The following GABRB2 variants were observed in gnomAD, a reference collection of about 807,000 sequenced individuals.
GABRB2 encodes gamma-aminobutyric acid receptor subunit beta-2.
In GABRB2, 16 loss-of-function variants were observed where a neutral mutation model predicts 54.7. The ratio of observed to expected loss-of-function variants is 0.29; its 90% CI spans 0.20 to 0.44. GABRB2 has a LOEUF of 0.44. GABRB2 is among the 20% of genes least tolerant of loss of function. The pLI is 1.00. For synonymous variants in GABRB2, 244 were observed against 233.8 expected, an observed-to-expected ratio of 1.04 and a Z score of -0.40; for missense variants, 355 against 644.0, an observed-to-expected ratio of 0.55 and a Z score of 4.86.
At chr5:161,356,156 T>C (rs1182023925) in intron 5 of GABRB2, among the ~76,000 whole-genome samples, 1 of 152,162 alleles carries the variant, frequency 6.6e-6, no homozygotes, top group East Asian at 1.9e-4. Context: ...GTTTTGTGAC[T>C]TTTTCAGATG....
chr5:161,377,453 C>A (rs932157847), intron 5 of GABRB2, among the ~76,000 whole-genome samples: 1 of 151,988 alleles, frequency 6.6e-6, no homozygotes, highest in Non-Finnish European at 1.5e-5. Context: ...AGAGATTAAA[C>A]CTGTATTACT....
At chr5:161,424,489 A>G (rs1430368541) in intron 4 of GABRB2, among the ~76,000 whole-genome samples, 1 of 152,126 alleles carries the variant, frequency 6.6e-6, no homozygotes, top group African/African-American at 2.4e-5. Context: ...TGCTCTGTAA[A>G]TGGAAAGACA....
At chr5:161,502,611 G>A (rs916534398) in intron 3 of GABRB2, among the ~76,000 whole-genome samples, 1 of 152,148 alleles carries the variant, frequency 6.6e-6, no homozygotes, top group Non-Finnish European at 1.5e-5. Flanking sequence ...ACAGCCCAGG[G>A]CTGTGATCTT....
Position 161,429,355 on chromosome 5 carries a change from A to AAAAAAAAAAAAG in GABRB2, c.459-18299_459-18298insCTTTTTTTTTTT, listed in dbSNP as rs1371716248. Among the ~76,000 whole-genome samples, 4 of 148,464 alleles carry AAAAAAAAAAAAG rather than the reference A, an allele frequency of 2.7e-5. No homozygotes were observed. The East Asian group carries it at 7.8e-4, about 29-fold the overall frequency. Reference sequence around the variant, plus strand: ...AGCAAGAATCCGTCTCAAAAAAAAAAAAAGAAAAAGAAAAAAAAAGAAATC... The same window carrying AAAAAAAAAAAAG: ...AGCAAGAATCCGTCTCAAAAAAAAAAAAAAAAAAAAAGAAAGAAAAAGAAAAAAAAAGAAATC... On this transcript the variant is annotated intron_variant, in intron 4 of 9. Transcript: ENST00000393959.
chr5:161,447,688 G>C lies in GABRB2; in HGVS notation c.458+11936C>G, dbSNP rs1757675187. Among the ~76,000 whole-genome samples, 3 of 152,246 alleles carry C rather than the reference G, an allele frequency of 2.0e-5. No individual in the cohort carries two copies. The South Asian group carries it at 6.2e-4, about 32-fold the overall frequency. ...GCTTTATATGTGATCTCCAAAATAA[G>C]GAGACAGGAATGAGGTAGAAATCTT... On this transcript the variant is annotated intron_variant, in intron 4 of 9. Coordinates refer to ENST00000393959, the MANE Select transcript of GABRB2 (RefSeq NM_001371727.1).
chr5:161,326,374 C>T lies in GABRB2; in HGVS notation c.1185G>A (p.Leu395=), dbSNP rs771655720. 6 of 1,613,342 alleles carry T rather than the reference C, an allele frequency of 3.7e-6. No homozygotes were observed. The highest frequency in any genetic ancestry group is 1.1e-5 in the South Asian group (1 of 91,032). The change falls in exon 9 of 10, where the codon CTG becomes CTA. Residue 395 remains leucine (L), a synonymous_variant. Transcript: ENST00000393959. ...TAAAAACTGGCTATCTAACCGTATACAGAGAGAAATCGTAATTGGTAGTCC... is the reference window on the plus strand; with the variant it reads ...TAAAAACTGGCTATCTAACCGTATATAGAGAGAAATCGTAATTGGTAGTCC... ...TRRTTNYDFS[L]YTMDPHENIL... is the part of the protein sequence containing the mutation.
chr5:161,471,352 C>T (rs993563331), intron 3 of GABRB2, among the ~76,000 whole-genome samples: 1 of 151,980 alleles, frequency 6.6e-6, no homozygotes, highest in Admixed American at 6.6e-5. Context: ...TCATTCTCAA[C>T]CTCCTAAACT....
intron 3 of GABRB2, among the ~76,000 whole-genome samples, chr5:161,536,166 G>A (rs1009918301): frequency 6.6e-6 from 1 of 152,110 alleles, no homozygotes; most frequent in Non-Finnish European, 1.5e-5. Flanking sequence ...AACACTAAAT[G>A]GACTAAGACA....
intron 3 of GABRB2, among the ~76,000 whole-genome samples, chr5:161,543,105 T>G (rs1760869819): frequency 6.6e-6 from 1 of 152,256 alleles, no homozygotes; most frequent in Non-Finnish European, 1.5e-5. Flanking sequence ...GGCTTGGAAT[T>G]TTCAACACTT....
At chr5:161,391,251 C>G (rs889185936) in intron 5 of GABRB2, among the ~76,000 whole-genome samples, 4 of 152,288 alleles carry the variant, frequency 2.6e-5, no homozygotes, top group African/African-American at 7.2e-5. Context: ...ATACTCTACA[C>G]TTTGGCATTT....
intron 4 of GABRB2, among the ~76,000 whole-genome samples, chr5:161,416,694 CTCAAAA>C (rs1259138529): frequency 1.5e-4 from 2 of 13,142 alleles, no homozygotes; most frequent in African/African-American, 3.3e-4. Context: ...CAGACTCCGT[CTCAAAA>C]AAAAAAAAAA....
intron 5 of GABRB2, among the ~76,000 whole-genome samples, chr5:161,346,645 C>A (rs1316330802): frequency 6.6e-6 from 1 of 152,006 alleles, no homozygotes; most frequent in Admixed American, 6.6e-5. Context: ...GCAGGATGCT[C>A]CTGAAGATAA....
At chr5:161,500,466 C>A (rs547327193) in intron 3 of GABRB2, among the ~76,000 whole-genome samples, 1 of 152,122 alleles carries the variant, frequency 6.6e-6, no homozygotes, top group East Asian at 1.9e-4. Context: ...ATATTAAGTG[C>A]CTATTATTTT....
intron 5 of GABRB2, among the ~76,000 whole-genome samples, chr5:161,385,945 CT>C (rs372100746): frequency 0.51 from 70,498 of 138,232 alleles, 17,579 homozygotes; most frequent in Admixed American, 0.61. Context: ...TACCTATTGT[CT>C]GGTGTGTGTG....
At chr5:161,364,556 G>C (rs923767919) in intron 5 of GABRB2, among the ~76,000 whole-genome samples, 1 of 152,046 alleles carries the variant, frequency 6.6e-6, no homozygotes, top group Non-Finnish European at 1.5e-5. Context: ...GGATTTAAAG[G>C]GATCTTAAAA....
At chr5:161,355,594 G>A (rs193094688) in intron 5 of GABRB2, among the ~76,000 whole-genome samples, 73 of 151,868 alleles carry the variant, frequency 4.8e-4, no homozygotes, top group Non-Finnish European at 9.4e-4. Context: ...AAACTCTACT[G>A]ATTAACATTT....
At chr5:161,533,971 G>A (rs1006383930) in intron 3 of GABRB2, among the ~76,000 whole-genome samples, 14 of 152,254 alleles carry the variant, frequency 9.2e-5, no homozygotes, top group African/African-American at 3.1e-4. Context: ...TGAAGTGATA[G>A]GGATATAGAT....
At position 161,545,224 on chromosome 5, in the gene GABRB2, C is replaced by G; in HGVS notation, c.237+3G>C. The G allele has an allele frequency of 6.3e-7, 1 of 1,597,340 alleles. No individual in the cohort carries two copies. Among genetic ancestry groups the G allele is most frequent in the Non-Finnish European group, 8.5e-7 (1 of 1,170,570 alleles). ...AGAAGTAGTCATAAATGTCAATACTCACCATATTGACTTCAGAAACCATAT... is the reference window on the plus strand; with the variant it reads ...AGAAGTAGTCATAAATGTCAATACTGACCATATTGACTTCAGAAACCATAT... On this transcript the variant is annotated splice_donor_region_variant and intron_variant, in intron 3 of 9. Coordinates refer to ENST00000393959, the MANE Select transcript of GABRB2 (RefSeq NM_001371727.1).
intron 5 of GABRB2, among the ~76,000 whole-genome samples, chr5:161,381,406 T>C (rs1349693180): frequency 6.6e-6 from 1 of 152,166 alleles, no homozygotes; most frequent in Non-Finnish European, 1.5e-5. Context: ...GAAAAGTATA[T>C]GAAGTCAACT....
Sources: gnomAD v4.1 joint callset for allele counts (sites outside exome capture counted in the v4.1 genomes callset) on GRCh38, gnomAD v4.1.1 for gene constraint, MANE v1.5 for transcripts, NCBI Gene and HGNC (gene_info 2026-07-23, HGNC 2026-07-21) for gene names.